RBFOX1: variants seen among roughly 807,000 people sequenced by gnomAD.
RBFOX1 encodes the protein RNA binding protein fox-1 homolog 1.
In RBFOX1, 8 loss-of-function variants were observed where a neutral mutation model predicts 57.7. The ratio of observed to expected loss-of-function variants is 0.14; its 90% CI spans 0.08 to 0.25. The LOEUF (loss-of-function observed/expected upper bound fraction) is 0.25. RBFOX1 is among the 10% of genes least tolerant of loss of function. The pLI, the probability that RBFOX1 is intolerant of heterozygous loss-of-function variation, is 1.00. For synonymous variants in RBFOX1, 326 were observed against 222.4 expected, an observed-to-expected ratio of 1.47 and a Z score of -4.15; for missense variants, 611 against 548.5, an observed-to-expected ratio of 1.11 and a Z score of -1.14.
chr16:6,789,891 T>G (rs2082614962), intron 3 of RBFOX1, among the ~76,000 whole-genome samples: 2 of 151,888 alleles, frequency 1.3e-5, no homozygotes, highest in Non-Finnish European at 2.9e-5. Context: ...AAAAATACCC[T>G]TAAAACATAT....
chr16:7,530,007 T>TAAAAAAAAAAA (rs1601007128), intron 5 of RBFOX1, among the ~76,000 whole-genome samples: 1 of 10,778 alleles, frequency 9.3e-5, no homozygotes. Flanking sequence ...AGACTCCATC[T>TAAAAAAAAAAA]CAAAAAAAAA....
intron 3 of RBFOX1, among the ~76,000 whole-genome samples, chr16:6,959,091 A>G (rs868302947): frequency 6.6e-6 from 1 of 152,264 alleles, no homozygotes; most frequent in Non-Finnish European, 1.5e-5. Context: ...AAAGATAGGC[A>G]TTTTCTTTTT....
At chr16:6,018,033 T>G (rs1378214329), upstream of RBFOX1, among the ~76,000 whole-genome samples, 1 of 152,158 alleles carries the variant, frequency 6.6e-6, no homozygotes, top group Non-Finnish European at 1.5e-5. Flanking sequence ...TAAAATGAGG[T>G]AGACTGCCTG....
chr16:5,951,295 A>G (rs2059514788), intron 4 of RBFOX1, among the ~76,000 whole-genome samples: 1 of 152,078 alleles, frequency 6.6e-6, no homozygotes, highest in Non-Finnish European at 1.5e-5. Flanking sequence ...TAAAAATACA[A>G]AAATTACCCG....
At chr16:6,929,437 C>G (rs761724948) in intron 3 of RBFOX1, among the ~76,000 whole-genome samples, 3 of 152,078 alleles carry the variant, frequency 2.0e-5, no homozygotes, top group Non-Finnish European at 4.4e-5. Flanking sequence ...ACAGCAGTTC[C>G]CTGGTATATA....
intron 4 of RBFOX1, among the ~76,000 whole-genome samples, chr16:7,278,727 T>G (rs954415803): frequency 1.1e-3 from 162 of 152,238 alleles, no homozygotes; most frequent in African/African-American, 3.8e-3. Context: ...TGCCAACTCA[T>G]GATGTATTCA....
chr16:6,713,153 T>C (rs992817003), intron 3 of RBFOX1, among the ~76,000 whole-genome samples: 4 of 152,114 alleles, frequency 2.6e-5, no homozygotes, highest in Non-Finnish European at 4.4e-5. Context: ...AATGGACTAA[T>C]ATGCCAATCT....
chr16:7,393,725 G>A (rs978210696), intron 4 of RBFOX1, among the ~76,000 whole-genome samples: 1 of 152,124 alleles, frequency 6.6e-6, no homozygotes, highest in Non-Finnish European at 1.5e-5. Flanking sequence ...TCATCCATCT[G>A]TCTTTGGCCA....
intron 3 of RBFOX1, among the ~76,000 whole-genome samples, chr16:6,887,767 A>T (rs939425474): frequency 1.3e-5 from 2 of 151,422 alleles, no homozygotes; most frequent in African/African-American, 4.9e-5. Flanking sequence ...GGTTCAAGTG[A>T]TTCTCCAGCC....
chr16:5,386,153 A>T (rs1018516968), intron 1 of RBFOX1, among the ~76,000 whole-genome samples: 2 of 151,096 alleles, frequency 1.3e-5, no homozygotes, highest in Non-Finnish European at 2.9e-5. Flanking sequence ...ATTAGTGATC[A>T]CCCACTAAGA....
At chr16:6,296,748 G>A (rs1340839512) in intron 1 of RBFOX1, among the ~76,000 whole-genome samples, 1 of 152,114 alleles carries the variant, frequency 6.6e-6, no homozygotes, top group Non-Finnish European at 1.5e-5. Flanking sequence ...TTAGCATATG[G>A]CATGGCACTG....
intron 2 of RBFOX1, among the ~76,000 whole-genome samples, chr16:5,468,344 CTGT>C (rs1441939537): frequency 3.3e-5 from 5 of 152,148 alleles, no homozygotes; most frequent in Non-Finnish European, 7.3e-5. Flanking sequence ...GCAGTCTCCC[CTGT>C]TGTTCTCCTC....
At chr16:5,598,761 A>T in intron 2 of RBFOX1, 1 of 652,196 alleles carries the variant, frequency 1.5e-6, no homozygotes, top group Non-Finnish European at 2.6e-6. Flanking sequence ...CCTGCAGGGG[A>T]TGGGTGGAGA....
intron 2 of RBFOX1, among the ~76,000 whole-genome samples, chr16:6,476,534 C>T (rs944109771): frequency 3.8e-4 from 58 of 152,148 alleles, no homozygotes; most frequent in African/African-American, 1.3e-3. Flanking sequence ...ACGTGCATAC[C>T]TTAATTTAAA....
rs931926749 is a variant in RBFOX1, at chr16:7,661,167, G to A, written c.891-3762G>A. On this transcript the variant is annotated intron_variant, in intron 12 of 15. Transcript: ENST00000550418. ...TTACATGGCTTTATTTCACACTGCC[G>A]GTGAGGATGGCTACATTGCTTCCAC... 5.9e-5 allele frequency among the ~76,000 whole-genome samples: 9 copies of A among 152,272 alleles called. No individual in the cohort carries two copies. In the South Asian group the frequency reaches 1.0e-3, roughly 18 times the overall value.
At chr16:6,160,302 A>T (rs2096868544) in intron 1 of RBFOX1, among the ~76,000 whole-genome samples, 1 of 152,168 alleles carries the variant, frequency 6.6e-6, no homozygotes, top group East Asian at 1.9e-4. Flanking sequence ...ATGCAACATG[A>T]TATTGTAGGA....
rs2082861415 is a variant in RBFOX1 at position 7,541,319 on chromosome 16, G to A, written c.270+22930G>A. ...TCTACCCTTTGTTGGCTGCAAATGT[G>A]AGGCAAAGGACCAGCTCCACGTGAA... On this transcript the variant is annotated intron_variant, in intron 5 of 15. Coordinates refer to ENST00000550418, the MANE Select transcript of RBFOX1 (RefSeq NM_018723.4). Among the ~76,000 whole-genome samples the A allele has an allele frequency of 2.6e-5, 4 of 152,198 alleles. No homozygotes were observed. The South Asian group carries it at 8.3e-4, about 31-fold the overall frequency.
At chr16:7,018,121 G>A (rs1188900697) in intron 3 of RBFOX1, among the ~76,000 whole-genome samples, 1 of 152,076 alleles carries the variant, frequency 6.6e-6, no homozygotes, top group African/African-American at 2.4e-5. Context: ...CTAGGTCTTA[G>A]GAAGGGAAGC....
In RBFOX1 at chr16:6,947,963, G is replaced by C. The variant is rs148425434; in HGVS notation, c.-15-104094G>C. ...AGCTAATTTTTGTATTTTTTAAATAGAGACAGGCTCTTATCACGTTTGCCA... is the reference window on the plus strand; with the variant it reads ...AGCTAATTTTTGTATTTTTTAAATACAGACAGGCTCTTATCACGTTTGCCA... On this transcript the variant is annotated intron_variant, in intron 3 of 15. Transcript: ENST00000550418. 5.8e-3 allele frequency among the ~76,000 whole-genome samples: 876 copies of C among 152,048 alleles called. 7 individuals are homozygous for C. The highest frequency in any genetic ancestry group is 0.02 in the African/African-American group (816 of 41,460).
Sources: gnomAD v4.1 joint callset for allele counts (sites outside exome capture counted in the v4.1 genomes callset) on GRCh38, gnomAD v4.1.1 for gene constraint, MANE v1.5 for transcripts, NCBI Gene and HGNC (gene_info 2026-07-23, HGNC 2026-07-21) for gene names.